IGF1R: variants seen among roughly 807,000 people sequenced by gnomAD.
The protein encoded by IGF1R is insulin like growth factor 1 receptor.
Under a neutral mutation model 144.6 loss-of-function variants are expected in IGF1R, and 44 were observed. The observed-to-expected ratio is 0.30, with a 90% CI of 0.24 to 0.39. IGF1R has a LOEUF of 0.39. IGF1R is among the 10% of genes least tolerant of loss of function. IGF1R has a pLI of 1.00. For missense variants in IGF1R, 1,355 were observed against 1,833.7 expected (o/e 0.74, Z 4.77); for synonymous variants, 795 against 722.8 (o/e 1.10, Z -1.60).
At chr15:98,827,039 G>A (rs2056906937) in intron 2 of IGF1R, among the ~76,000 whole-genome samples, 1 of 152,126 alleles carries the variant, frequency 6.6e-6, no homozygotes, top group Admixed American at 6.5e-5. Context: ...AAATGTAATT[G>A]CTATGTTACT....
At chr15:98,656,475 G>A (rs557611424) in intron 1 of IGF1R, among the ~76,000 whole-genome samples, 2 of 152,296 alleles carry the variant, frequency 1.3e-5, no homozygotes, top group East Asian at 1.9e-4. Context: ...CTGAAACCCA[G>A]GAGGCAGAGG....
intron 2 of IGF1R, among the ~76,000 whole-genome samples, chr15:98,768,883 A>G (rs1037456427): frequency 2.6e-5 from 4 of 151,110 alleles, no homozygotes; most frequent in Non-Finnish European, 4.4e-5. Flanking sequence ...AGCGGAGATC[A>G]CACCACTGCA....
At chr15:98,822,302 C>T (rs972145533) in intron 2 of IGF1R, among the ~76,000 whole-genome samples, 1 of 152,154 alleles carries the variant, frequency 6.6e-6, no homozygotes, top group Non-Finnish European at 1.5e-5. Flanking sequence ...AGTGTGTATA[C>T]TCATCTCTTT....
At chr15:98,744,491 G>C (rs2054818216) in intron 2 of IGF1R, among the ~76,000 whole-genome samples, 1 of 152,104 alleles carries the variant, frequency 6.6e-6, no homozygotes, top group Non-Finnish European at 1.5e-5. Context: ...AGAGAAGCAT[G>C]GCTGTGCACA....
intron 2 of IGF1R, among the ~76,000 whole-genome samples, chr15:98,830,174 G>C (rs562335977): frequency 6.6e-6 from 1 of 152,224 alleles, no homozygotes; most frequent in South Asian, 2.1e-4. Context: ...TGTCTACCTG[G>C]ACTGTCTTCT....
At chr15:98,665,902 T>A (rs2052725382) in intron 1 of IGF1R, among the ~76,000 whole-genome samples, 1 of 130,344 alleles carries the variant, frequency 7.7e-6, no homozygotes, top group South Asian at 2.9e-4. Context: ...TTTAGGCAAC[T>A]TGGTAGATGG....
At chr15:98,856,057 G>A (rs2011798079) in intron 2 of IGF1R, among the ~76,000 whole-genome samples, 2 of 152,168 alleles carry the variant, frequency 1.3e-5, no homozygotes, top group Admixed American at 1.3e-4. Context: ...AGGGAGACGG[G>A]GTGTGCTGAG....
chr15:98,902,772 A>T (rs2014550537), intron 5 of IGF1R, among the ~76,000 whole-genome samples: 1 of 152,162 alleles, frequency 6.6e-6, no homozygotes, highest in Non-Finnish European at 1.5e-5. Context: ...GTTCAATAGG[A>T]TGAAAGTTCT....
At chr15:98,886,931 T>C (rs1410917565) in intron 2 of IGF1R, among the ~76,000 whole-genome samples, 1 of 152,174 alleles carries the variant, frequency 6.6e-6, no homozygotes, top group African/African-American at 2.4e-5. Context: ...GCAATGCTTA[T>C]TTATGCAGTT....
chr15:98,846,363 G>A (rs953928348), intron 2 of IGF1R, among the ~76,000 whole-genome samples: 1 of 152,188 alleles, frequency 6.6e-6, no homozygotes, highest in Non-Finnish European at 1.5e-5. Flanking sequence ...AGACACAACA[G>A]TATGGCCTTA....
At chr15:98,727,691 CT>C (rs2054394063) in intron 2 of IGF1R, among the ~76,000 whole-genome samples, 1 of 152,198 alleles carries the variant, frequency 6.6e-6, no homozygotes, top group South Asian at 2.1e-4. Flanking sequence ...AGCAGGTCTT[CT>C]TCTGCTGGTC....
chr15:98,897,112 C>G (rs1021928287), intron 4 of IGF1R, among the ~76,000 whole-genome samples: 3 of 152,154 alleles, frequency 2.0e-5, no homozygotes, highest in Admixed American at 2.0e-4. Flanking sequence ...TAGCCATTGG[C>G]ACGTCATTTA....
intron 15 of IGF1R, among the ~76,000 whole-genome samples, chr15:98,932,683 T>A (rs890267883): frequency 2.6e-5 from 4 of 152,202 alleles, no homozygotes; most frequent in Non-Finnish European, 5.9e-5. Context: ...TGAAGAGCCT[T>A]ATCTCCTGGG....
chr15:98,676,426 G>A (rs1385628824), intron 1 of IGF1R, among the ~76,000 whole-genome samples: 1 of 152,114 alleles, frequency 6.6e-6, no homozygotes, highest in African/African-American at 2.4e-5. Flanking sequence ...GTGAGCCACC[G>A]CTCCTGGCCG....
intron 2 of IGF1R, among the ~76,000 whole-genome samples, chr15:98,811,293 G>T (rs565562262): frequency 6.6e-6 from 1 of 151,582 alleles, no homozygotes; most frequent in Non-Finnish European, 1.5e-5. Context: ...GGCTGAGACG[G>T]GCAGATCACA....
chr15:98,957,423 C>G lies in IGF1R; in HGVS notation c.4085C>G (p.Pro1362Arg). The change falls in exon 21 of 21, where the codon CCC becomes CGC. Residue 1362 changes from proline (P) to arginine (R), a missense_variant. Physicochemically the swap from Pro to Arg is moderately radical, Grantham distance 103. Around this residue, in one of 7 missense-constraint regions of IGF1R, gnomAD observed 219 missense variants for 188.8 expected, o/e 1.16. Coordinates refer to ENST00000650285, the MANE Select transcript of IGF1R (RefSeq NM_000875.5). ...AAGAACGAGCGGGCCTTGCCGCTGC[C>G]CCAGTCTTCGACCTGCTGATCCTTG... The part of the protein sequence containing the change: ...GRKNERALPL[P>R]QSSTC 3 of 1,613,146 alleles carry G rather than the reference C, an allele frequency of 1.9e-6. No individual in the cohort carries two copies. The highest frequency in any genetic ancestry group is 2.5e-6 in the Non-Finnish European group (3 of 1,180,046).
At chr15:98,732,299 T>C (rs1470674267) in intron 2 of IGF1R, among the ~76,000 whole-genome samples, 1 of 151,752 alleles carries the variant, frequency 6.6e-6, no homozygotes, top group African/African-American at 2.4e-5. Context: ...GATTGTGGGG[T>C]AGGTGAATAA....
chr15:98,893,701 G>A (rs1013803254), intron 3 of IGF1R, among the ~76,000 whole-genome samples: 5 of 152,204 alleles, frequency 3.3e-5, no homozygotes, highest in African/African-American at 1.2e-4. Flanking sequence ...GCAGCCACCA[G>A]AGTTGTGGCA....
chr15:98,962,083 C>T lies in IGF1R; in HGVS notation c.*4641C>T, dbSNP rs565859125. On this transcript the variant is annotated 3_prime_UTR_variant, in exon 21 of 21. Transcript: ENST00000650285. ...ACAGCAGTCCACCTCTGCAGGCTGG[C>T]AGCCGAATGGCTTGCCAGTGGCTCT... 16 of 233,356 alleles carry T rather than the reference C, an allele frequency of 6.9e-5. 1 individual carries two copies. In the South Asian group the frequency reaches 1.1e-3, roughly 16 times the overall value. 14.5% of individuals were successfully genotyped at this position (233,356 alleles called of 1,614,324 possible).
Sources: allele counts gnomAD v4.1 joint callset (sites outside exome capture counted in the v4.1 genomes callset), GRCh38; gene constraint gnomAD v4.1.1; regional missense constraint gnomAD v4.1.1; transcripts MANE v1.5; gene names NCBI Gene and HGNC (gene_info 2026-07-23, HGNC 2026-07-21).